ACYP2: variants seen among roughly 807,000 people sequenced by gnomAD.
ACYP2 encodes the protein acylphosphatase 2, also known as acylphosphatase-2.
A neutral mutation model predicts 11.2 loss-of-function variants in ACYP2; 12 were observed. The ratio of observed to expected loss-of-function variants is 1.08; its 90% confidence interval spans 0.69 to 1.74. ACYP2 has a LOEUF of 1.74. Ranked by LOEUF, ACYP2 falls within the 40% of genes most tolerant of loss-of-function variation. The pLI, the probability that ACYP2 is intolerant of heterozygous loss-of-function variation, is 0.00. For synonymous variants in ACYP2, 43 were observed against 32.2 expected (o/e 1.33, Z -1.13); for missense variants, 134 against 101.9 (o/e 1.31, Z -1.35).
chr2:54,068,453 A>G (rs563048087), intron 4 of ACYP2, among the ~76,000 whole-genome samples: 13 of 152,170 alleles, frequency 8.5e-5, no homozygotes, highest in Non-Finnish European at 1.9e-4. Flanking sequence ...TCTGGCTATG[A>G]TATGTATGTA....
chr2:54,057,919 T>C lies in ACYP2; in HGVS notation c.277+559T>C, dbSNP rs552499959. Among the ~76,000 whole-genome samples, 18 of 152,340 alleles carry C rather than the reference T, an allele frequency of 1.2e-4. No homozygotes were observed. In the South Asian group the frequency reaches 3.5e-3, roughly 30 times the overall value. The stretch of plus-strand genomic sequence containing the variant: ...TATTAAATGCCAAACAGATGTGGTG[T>C]AGTAAATGTAAAGAATCAATGAACA... On this transcript the variant is annotated intron_variant, in intron 4 of 6. Transcript: ENST00000607452.
rs182484454 is a variant in ACYP2, at chr2:54,243,533, C to T, written c.405-61155C>T. 1.9e-3 allele frequency among the ~76,000 whole-genome samples: 282 copies of T among 152,176 alleles called. 2 individuals are homozygous for T. Among genetic ancestry groups the T allele is most frequent in the African/African-American group, 6.2e-3 (256 of 41,522 alleles). On this transcript the variant is annotated intron_variant, in intron 6 of 6. Coordinates refer to ENST00000607452, the MANE Select transcript of ACYP2 (RefSeq NM_001320586.2). ...TTTTTGAGATGGAGTCTCGCTCTGT[C>T]GCCCAGGCTGGAGTGTAGTGGCGCA...
intron 6 of ACYP2, among the ~76,000 whole-genome samples, chr2:54,149,346 G>A (rs1266489960): frequency 6.6e-6 from 1 of 152,200 alleles, no homozygotes; most frequent in Non-Finnish European, 1.5e-5. Context: ...AGAACACACT[G>A]TGGATGTGTG....
intron 4 of ACYP2, among the ~76,000 whole-genome samples, chr2:54,072,566 C>CTTT (rs755362524): frequency 3.6e-5 from 2 of 55,550 alleles, no homozygotes; most frequent in South Asian, 6.2e-4. Flanking sequence ...TTTCTTTCTT[C>CTTT]TTTTTTTTTT....
chr2:54,305,052 A>T lies in ACYP2; in HGVS notation c.*250A>T. On this transcript the variant is annotated 3_prime_UTR_variant, in exon 7 of 7. Transcript: ENST00000607452. ...TATTTAGTGTGAACATTTAATTTAA[A>T]CTTGTCTCATGGAATCTTTAATTTC... 1 of 274,132 alleles carries T rather than the reference A, an allele frequency of 3.6e-6. No homozygotes were observed. Among genetic ancestry groups the T allele is most frequent in the Non-Finnish European group, 6.8e-6 (1 of 147,212 alleles). 17.0% of individuals were successfully genotyped at this position (274,132 alleles called of 1,614,324 possible).
rs1317868544 is a variant in ACYP2, at chr2:54,255,834, T to G, written c.405-48854T>G. 3 of 1,613,996 alleles carry G rather than the reference T, an allele frequency of 1.9e-6. No homozygotes were observed. In the South Asian group the frequency reaches 3.3e-5, roughly 18 times the overall value. On this transcript the variant is annotated intron_variant, in intron 6 of 6. Coordinates refer to ENST00000607452, the MANE Select transcript of ACYP2 (RefSeq NM_001320586.2). ...AGCCATTTTTGAGGCTGCCGTCAGTTGTCAGCGAGGCAGAGGCCGCTTCTA... is the reference window on the plus strand; with the variant it reads ...AGCCATTTTTGAGGCTGCCGTCAGTGGTCAGCGAGGCAGAGGCCGCTTCTA...
chr2:54,188,251 T>G (rs904427723), intron 6 of ACYP2, among the ~76,000 whole-genome samples: 2 of 152,022 alleles, frequency 1.3e-5, no homozygotes, highest in African/African-American at 4.8e-5. Flanking sequence ...TGATAGCATA[T>G]TTACTTAAAA....
At chr2:54,127,669 A>G (rs559198631) in intron 4 of ACYP2, among the ~76,000 whole-genome samples, 2 of 149,146 alleles carry the variant, frequency 1.3e-5, no homozygotes, top group African/African-American at 4.9e-5. Flanking sequence ...AATCGCTTGA[A>G]CCTGGGAGGC....
chr2:54,133,258 T>A (rs1681022200), intron 4 of ACYP2, among the ~76,000 whole-genome samples: 1 of 152,240 alleles, frequency 6.6e-6, no homozygotes, highest in Non-Finnish European at 1.5e-5. Context: ...CTCTCTTACT[T>A]AGCATAATGC....
chr2:54,239,123 T>C (rs1277173517), intron 6 of ACYP2, among the ~76,000 whole-genome samples: 6 of 152,138 alleles, frequency 3.9e-5, no homozygotes, highest in African/African-American at 1.4e-4. Context: ...GAATCCACAG[T>C]GTAGGTCAGA....
chr2:54,224,172 C>T (rs1298091066), intron 6 of ACYP2, among the ~76,000 whole-genome samples: 2 of 152,166 alleles, frequency 1.3e-5, no homozygotes, highest in East Asian at 3.9e-4. Flanking sequence ...CTTTCCAAGT[C>T]CCCAGCCAGC....
At chr2:54,116,126 G>A (rs145308584) in intron 4 of ACYP2, among the ~76,000 whole-genome samples, 1 of 152,286 alleles carries the variant, frequency 6.6e-6, no homozygotes, top group African/African-American at 2.4e-5. Flanking sequence ...GAAGCTACCT[G>A]GGCTTGACTT....
At chr2:54,263,310 A>C (rs879907238) in intron 6 of ACYP2, among the ~76,000 whole-genome samples, 4 of 152,218 alleles carry the variant, frequency 2.6e-5, no homozygotes, top group Non-Finnish European at 5.9e-5. Context: ...CAAGAGGACA[A>C]CATCAAGGGG....
intron 4 of ACYP2, among the ~76,000 whole-genome samples, chr2:54,073,504 A>G (rs1677172631): frequency 6.6e-6 from 1 of 152,258 alleles, no homozygotes; most frequent in South Asian, 2.1e-4. Flanking sequence ...CCAAAAACAC[A>G]AGCAACAAAA....
intron 6 of ACYP2, among the ~76,000 whole-genome samples, chr2:54,199,268 G>T (rs760408147): frequency 6.1e-4 from 93 of 152,242 alleles, no homozygotes; most frequent in Non-Finnish European, 7.9e-4. Flanking sequence ...TGTGCTCATG[G>T]GACATCGTGA....
chr2:54,205,048 T>C (rs1685014911), intron 6 of ACYP2, among the ~76,000 whole-genome samples: 1 of 149,042 alleles, frequency 6.7e-6, no homozygotes, highest in Admixed American at 6.8e-5. Context: ...ATTACATTTT[T>C]ATTGTTTCTT....
chr2:54,133,573 G>T (rs1367851626), intron 4 of ACYP2, among the ~76,000 whole-genome samples: 1 of 152,086 alleles, frequency 6.6e-6, no homozygotes, highest in Non-Finnish European at 1.5e-5. Context: ...CTTTACTTAG[G>T]CCTATTTTAA....
chr2:54,024,469 C>G (rs190968154), intron 2 of ACYP2, among the ~76,000 whole-genome samples: 111 of 152,266 alleles, frequency 7.3e-4, no homozygotes, highest in African/African-American at 2.5e-3. Context: ...ACCACATAAA[C>G]AGAATTAAAA....
At chr2:54,261,182 T>A (rs1573010692) in intron 6 of ACYP2, among the ~76,000 whole-genome samples, 1 of 152,330 alleles carries the variant, frequency 6.6e-6, no homozygotes, top group East Asian at 1.9e-4. Flanking sequence ...CATTGTGAAG[T>A]GTTATTTTCT....
Sources: allele counts gnomAD v4.1 joint callset (sites outside exome capture counted in the v4.1 genomes callset), GRCh38; gene constraint gnomAD v4.1.1; transcripts MANE v1.5; gene names NCBI Gene and HGNC (gene_info 2026-07-23, HGNC 2026-07-21).